Variants in TNIK observed in about 807,000 individuals in gnomAD.
TNIK encodes the protein TRAF2 and NCK-interacting protein kinase.
TNIK carries 49 observed loss-of-function variants against 191.3 expected under a neutral mutation model. The ratio of observed to expected loss-of-function variants is 0.26; its 90% confidence interval spans 0.20 to 0.32. The LOEUF is 0.32. Among genes scored for constraint, TNIK ranks in the 10% least tolerant of loss-of-function variants. The pLI is 1.00. For missense variants in TNIK, 1,155 were observed against 1,702.3 expected, an observed-to-expected ratio of 0.68 and a Z score of 5.66; for synonymous variants, 594 against 600.9, an observed-to-expected ratio of 0.99 and a Z score of 0.17.
intron 2 of TNIK, among the ~76,000 whole-genome samples, chr3:171,307,497 T>G (rs1753580710): frequency 6.6e-6 from 1 of 152,210 alleles, no homozygotes; most frequent in African/African-American, 2.4e-5. Context: ...CTGTGCAAAA[T>G]AGTTACTGAA....
chr3:171,075,281 T>C (rs1436955980), intron 28 of TNIK, among the ~76,000 whole-genome samples: 1 of 152,218 alleles, frequency 6.6e-6, no homozygotes, highest in African/African-American at 2.4e-5. Context: ...TCTATTGCTT[T>C]CCCCTGAAAA....
At chr3:171,175,138 TCATA>T in intron 9 of TNIK, 110 bp downstream of exon 9, 2 of 979,324 alleles carry the variant, frequency 2.0e-6, no homozygotes, top group South Asian at 2.8e-5. Flanking sequence ...CACCAAGTCA[TCATA>T]CATGTTAGTC....
chr3:171,358,412 C>G (rs376379814), intron 2 of TNIK, among the ~76,000 whole-genome samples: 8 of 152,148 alleles, frequency 5.3e-5, no homozygotes, highest in African/African-American at 1.9e-4. Flanking sequence ...GGCAACTCCC[C>G]TTTATAAAAC....
At chr3:171,158,297 G>A (rs982784805) in intron 11 of TNIK, among the ~76,000 whole-genome samples, 2 of 152,230 alleles carry the variant, frequency 1.3e-5, no homozygotes, top group South Asian at 2.1e-4. Context: ...CACAGCAGGT[G>A]CAGCTAGGAC....
At chr3:171,371,099 C>T (rs1315639171) in intron 1 of TNIK, among the ~76,000 whole-genome samples, 2 of 151,976 alleles carry the variant, frequency 1.3e-5, no homozygotes, top group Non-Finnish European at 2.9e-5. Context: ...ATCTACCTAG[C>T]CATGCTCTTG....
intron 8 of TNIK, among the ~76,000 whole-genome samples, chr3:171,176,257 A>G (rs1200996204): frequency 1.3e-5 from 2 of 152,166 alleles, no homozygotes; most frequent in Non-Finnish European, 1.5e-5. Context: ...AATGAGGGCA[A>G]TTTTGTCAAC....
At chr3:171,197,136 T>C (rs1350640066) in intron 4 of TNIK, among the ~76,000 whole-genome samples, 1 of 152,182 alleles carries the variant, frequency 6.6e-6, no homozygotes, top group Non-Finnish European at 1.5e-5. Context: ...CTGAAATACT[T>C]ATGGATAAAA....
At chr3:171,095,423 TCTC>T (rs1290292874) in intron 22 of TNIK, among the ~76,000 whole-genome samples, 1 of 152,242 alleles carries the variant, frequency 6.6e-6, no homozygotes, top group Non-Finnish European at 1.5e-5. Context: ...TACTTGTTGT[TCTC>T]CTATTTTAGC....
At chr3:171,093,180 C>G (rs1722282494) in intron 23 of TNIK, among the ~76,000 whole-genome samples, 1 of 152,082 alleles carries the variant, frequency 6.6e-6, no homozygotes, top group Non-Finnish European at 1.5e-5. Flanking sequence ...TTCAATTTGT[C>G]AGGGTCTTTC....
At chr3:171,422,871 T>A (rs1249024300) in intron 1 of TNIK, among the ~76,000 whole-genome samples, 3 of 152,252 alleles carry the variant, frequency 2.0e-5, no homozygotes, top group Admixed American at 6.5e-5. Flanking sequence ...GGGATCTTCA[T>A]CTGCACAAAT....
intron 1 of TNIK, among the ~76,000 whole-genome samples, chr3:171,381,833 T>G (rs536392352): frequency 1.3e-5 from 2 of 152,302 alleles, no homozygotes; most frequent in Admixed American, 1.3e-4. Flanking sequence ...CTGCCTGGAA[T>G]GCAGATGTAA....
intron 3 of TNIK, among the ~76,000 whole-genome samples, chr3:171,222,197 C>T (rs993179124): frequency 6.6e-6 from 1 of 152,154 alleles, no homozygotes; most frequent in Non-Finnish European, 1.5e-5. Context: ...GCAATACTCT[C>T]TCATTTCTCA....
intron 1 of TNIK, among the ~76,000 whole-genome samples, chr3:171,377,175 C>T (rs1224388044): frequency 6.6e-6 from 1 of 152,166 alleles, no homozygotes; most frequent in East Asian, 1.9e-4. Flanking sequence ...CTTACTAATA[C>T]CAGCTCCTCA....
chr3:171,067,256 G>C (rs1309833619), intron 30 of TNIK, among the ~76,000 whole-genome samples: 2 of 151,822 alleles, frequency 1.3e-5, no homozygotes, highest in Admixed American at 1.3e-4. Flanking sequence ...GGGTCAAAAT[G>C]AACTACCAAA....
At chr3:171,328,610 CTCTTT>C (rs1017316283) in intron 2 of TNIK, among the ~76,000 whole-genome samples, 11 of 152,300 alleles carry the variant, frequency 7.2e-5, no homozygotes, top group East Asian at 1.9e-4. Context: ...TTAAAAGCTT[CTCTTT>C]TAAGATGACG....
At chr3:171,436,221 C>T (rs1034744939) in intron 1 of TNIK, among the ~76,000 whole-genome samples, 3 of 152,286 alleles carry the variant, frequency 2.0e-5, no homozygotes, top group Middle Eastern at 3.4e-3. Context: ...TCTATTTTTA[C>T]ATCTGTTTTT....
At chr3:171,230,836 C>A (rs532991675) in intron 2 of TNIK, among the ~76,000 whole-genome samples, 158 of 152,220 alleles carry the variant, frequency 1.0e-3, no homozygotes, top group African/African-American at 3.2e-3. Flanking sequence ...GTCTTCCTTC[C>A]TCTCTCCCTT....
At chr3:171,309,896 C>T (rs767571205) in intron 2 of TNIK, among the ~76,000 whole-genome samples, 1 of 152,110 alleles carries the variant, frequency 6.6e-6, no homozygotes, top group Non-Finnish European at 1.5e-5. Context: ...TTTTTGCTTC[C>T]TAGTTGTCCT....
chr3:171,148,193 C>T (rs1731901645), intron 12 of TNIK, among the ~76,000 whole-genome samples: 1 of 152,304 alleles, frequency 6.6e-6, no homozygotes, highest in South Asian at 2.1e-4. Flanking sequence ...CACAGGCCAA[C>T]TTTTGATTAG....
Sources: gnomAD v4.1 joint callset for allele counts (sites outside exome capture counted in the v4.1 genomes callset) on GRCh38, gnomAD v4.1.1 for gene constraint, MANE v1.5 for transcripts, NCBI Gene and HGNC (gene_info 2026-07-23, HGNC 2026-07-21) for gene names.